Variants in DET1 observed in about 807,000 individuals in gnomAD.
DET1 encodes the protein DET1 partner of COP1 E3 ubiquitin ligase.
A neutral mutation model predicts 43.7 loss-of-function variants in DET1; 22 were observed. That is an observed-to-expected ratio of 0.50 (90% CI 0.36 to 0.72). DET1 has a LOEUF of 0.72. Ranked by LOEUF, DET1 falls within the 30% of genes least tolerant of loss-of-function variation. DET1 has a pLI of 0.00. For synonymous variants in DET1, 315 were observed against 266.2 expected (o/e 1.18, Z -1.79); for missense variants, 713 against 713.3 (o/e 1.00, Z 0.00).
chr15:88,515,472 G>C (rs1203258810), intron 4 of DET1, among the ~76,000 whole-genome samples: 1 of 139,866 alleles, frequency 7.1e-6, no homozygotes, highest in East Asian at 2.2e-4. Flanking sequence ...CTGGGAGGCA[G>C]AGGTTGCAGT....
intron 3 of DET1, among the ~76,000 whole-genome samples, chr15:88,521,393 G>A (rs11073785): frequency 0.69 from 105,390 of 152,072 alleles, 36,777 homozygotes; most frequent in South Asian, 0.8. Context: ...TAACAATTTT[G>A]TTTTTTCCTT....
At chr15:88,515,538 T>TA (rs1491544233) in intron 4 of DET1, among the ~76,000 whole-genome samples, 17,321 of 47,318 alleles carry the variant, frequency 0.37, 7,467 homozygotes, top group Admixed American at 0.46. Context: ...GACTCCGTCT[T>TA]ATAAAAAAAA....
chr15:88,539,675 A>G (rs2057051880), intron 1 of DET1, among the ~76,000 whole-genome samples: 2 of 152,090 alleles, frequency 1.3e-5, no homozygotes, highest in South Asian at 4.1e-4. Flanking sequence ...TAAATTTCTC[A>G]TCGGTTGTTC....
At chr15:88,522,512 G>GTTTGTTTTTTTTTTTT (rs1687176742) in intron 3 of DET1, among the ~76,000 whole-genome samples, 1 of 80,258 alleles carries the variant, frequency 1.2e-5, no homozygotes, top group East Asian at 4.0e-4. Context: ...AATGTTCCTG[G>GTTTGTTTTTTTTTTTT]TTTTTTTTTT....
chr15:88,528,654 C>G (rs999991127), intron 2 of DET1, among the ~76,000 whole-genome samples: 16 of 152,200 alleles, frequency 1.1e-4, no homozygotes, highest in African/African-American at 3.6e-4. Flanking sequence ...CCAAGAACCC[C>G]TAATTTTTGT....
rs562077865 is a variant in DET1, at chr15:88,504,150, T to C, written c.*2066-163A>G. 7 of 152,300 alleles carry C rather than the reference T, an allele frequency of 4.6e-5. No homozygotes were observed. The highest frequency in any genetic ancestry group is 1.9e-4 in the East Asian group (1 of 5,184). 9.4% of individuals were successfully genotyped at this position (152,300 alleles called of 1,614,324 possible). The stretch of plus-strand genomic sequence containing the variant: ...GAGGACTGGATTCCAGGATATTTCA[T>C]TCACATGGCTATCAGCAGGAAGCCT... On this transcript the variant is annotated intron_variant and NMD_transcript_variant, in intron 7 of 8. Coordinates refer to the DET1 transcript ENST00000557842. This position sits in a 1 kb window ranked among gnomAD's most constrained non-coding sequence, Gnocchi z 4.7.
rs199812495 is a variant in DET1, at chr15:88,531,182, C to T, written c.524G>A (p.Arg175Gln). ...EPHPPFFEVY[R>Q]NSESVTPNPR... ...GTTGGGGGTCACTGATTCACTGTTC[C>T]GATATACCTCAAAAAATGGAGGGTG... is the stretch of plus-strand genomic sequence containing the variant. Residue 175 changes from arginine (R) to glutamine (Q), a missense_variant, in exon 2 of 5, where the codon CGG (arginine) becomes CAG (glutamine). Coordinates refer to ENST00000268148, the MANE Select transcript of DET1 (RefSeq NM_001144074.3). The surrounding 1 kb of genome is among the most constrained non-coding windows in gnomAD (Gnocchi z 6.2). The T allele has an allele frequency of 6.9e-5, 112 of 1,613,726 alleles. 1 individual carries two copies. The highest frequency in any genetic ancestry group is 6.6e-4 in the Middle Eastern group (4 of 6,060).
intron 3 of DET1, among the ~76,000 whole-genome samples, chr15:88,519,521 C>T (rs1213569478): frequency 6.6e-6 from 1 of 152,156 alleles, no homozygotes; most frequent in Non-Finnish European, 1.5e-5. Context: ...AGCTCACTCC[C>T]TCTATTCATC....
downstream of DET1, chr15:88,511,483 C>A: frequency 1.0e-6 from 1 of 985,440 alleles, no homozygotes; most frequent in Non-Finnish European, 1.2e-6. Context: ...CTTGAAACAT[C>A]TTCAACTCTT....
intron 3 of DET1, among the ~76,000 whole-genome samples, chr15:88,523,746 T>C (rs567307052): frequency 6.6e-6 from 1 of 152,226 alleles, no homozygotes; most frequent in African/African-American, 2.4e-5. Context: ...CAGTGCTCAA[T>C]CTTGCCCAGG....
chr15:88,537,498 A>ACC (rs1715711842), intron 1 of DET1, among the ~76,000 whole-genome samples: 1 of 151,906 alleles, frequency 6.6e-6, no homozygotes. Flanking sequence ...ACCACACCTG[A>ACC]CCCCTACCTC....
chr15:88,515,478 G>A (rs1424141554), intron 4 of DET1, among the ~76,000 whole-genome samples: 1 of 137,586 alleles, frequency 7.3e-6, no homozygotes, highest in African/African-American at 2.7e-5. Context: ...GGCAGAGGTT[G>A]CAGTGAGTCG....
At chr15:88,511,562 C>T, downstream of DET1, 9 of 985,416 alleles carry the variant, frequency 9.1e-6, no homozygotes, top group Non-Finnish European at 1.1e-5. Context: ...TTTTTCTGCC[C>T]TTCCTTCATC....
chr15:88,520,878 C>G (rs2056471420), intron 3 of DET1, among the ~76,000 whole-genome samples: 1 of 152,178 alleles, frequency 6.6e-6, no homozygotes, highest in Non-Finnish European at 1.5e-5. Flanking sequence ...AATGCCATAG[C>G]TATTACTTAC....
intron 1 of DET1, among the ~76,000 whole-genome samples, chr15:88,535,998 C>A (rs2056939276): frequency 6.6e-6 from 1 of 152,052 alleles, no homozygotes; most frequent in African/African-American, 2.4e-5. Flanking sequence ...CACATCATAG[C>A]TAAAATGGAA....
Position 88,527,762 on chromosome 15 carries a change from T to C in DET1, c.1108A>G (p.Met370Val). 3.1e-6 allele frequency: 5 copies of C among 1,607,504 alleles called. No individual in the cohort carries two copies. The highest frequency in any genetic ancestry group is 3.4e-6 in the Non-Finnish European group (4 of 1,176,410). Residue 370 changes from methionine (M) to valine (V), a missense_variant, in exon 3 of 5, where the codon ATG becomes GTG. Met to Val is a conservative substitution (Grantham distance 21). Coordinates refer to ENST00000268148, the MANE Select transcript of DET1 (RefSeq NM_001144074.3). ...SQASFFVVYN[M>V]VTTEVIAVFE... The stretch of plus-strand genomic sequence containing the variant: ...ACAGCAATCACCTCTGTCGTCACCA[T>C]ATTGTACACCACAAAGAAAGATGCC...
chr15:88,511,368 T>C (rs901269846), downstream of DET1: 1 of 976,760 alleles, frequency 1.0e-6, no homozygotes, highest in African/African-American at 1.8e-5. Context: ...TCAGTCTACC[T>C]GTTCAGTCAC....
At chr15:88,507,960 C>T (rs1486748736), downstream of DET1, among the ~76,000 whole-genome samples, 2 of 152,188 alleles carry the variant, frequency 1.3e-5, no homozygotes, top group Admixed American at 6.5e-5. Flanking sequence ...GCATTACTAC[C>T]TGAGCTCCAC....
At chr15:88,510,464 T>C (rs1213756641), downstream of DET1, among the ~76,000 whole-genome samples, 3 of 152,176 alleles carry the variant, frequency 2.0e-5, no homozygotes, top group Non-Finnish European at 4.4e-5. Flanking sequence ...AAAGTGTTTC[T>C]ATGAAGAAAG....
Sources: allele counts gnomAD v4.1 joint callset (sites outside exome capture counted in the v4.1 genomes callset), GRCh38; gene constraint gnomAD v4.1.1; non-coding constraint Gnocchi (gnomAD v3.1); transcripts MANE v1.5; gene names NCBI Gene and HGNC (gene_info 2026-07-23, HGNC 2026-07-21).